PAQR8: variants seen among roughly 807,000 people sequenced by gnomAD.
The protein encoded by PAQR8 is membrane progestin receptor beta.
PAQR8 carries 17 observed loss-of-function variants against 25.2 expected under a neutral mutation model. The observed-to-expected ratio is 0.67, with a 90% CI of 0.46 to 1.01. The LOEUF (loss-of-function observed/expected upper bound fraction) is 1.01. Ranked by LOEUF, PAQR8 falls within the 50% of genes least tolerant of loss-of-function variation. The pLI is 0.00. For missense variants in PAQR8, 392 were observed against 448.4 expected (o/e 0.87, Z 1.14); for synonymous variants, 204 against 190.6 (o/e 1.07, Z -0.58).
rs909812638 is a variant in PAQR8, at chr6:52,379,619, C to CTTTTTTTTTTTTT, written c.-53+17383_-53+17395dup. Among the ~76,000 whole-genome samples the CTTTTTTTTTTTTT allele has an allele frequency of 2.2e-3, 173 of 77,214 alleles. 15 individuals carry two copies. Among genetic ancestry groups the CTTTTTTTTTTTTT allele is most frequent in the East Asian group, 3.5e-3 (8 of 2,264 alleles). The allele number at this position is 77,214 out of a possible 152,430, so 50.7% of individuals were successfully genotyped here. A position where few individuals can be genotyped will look rare whatever the true frequency, so the allele number is the denominator to read the frequency against. ...GGTGCGTACCGCCACACCCAGCTTTCTTTTTTTTTTTTTTTTTTTTTTTTT... is the reference window on the plus strand; with the variant it reads ...GGTGCGTACCGCCACACCCAGCTTTCTTTTTTTTTTTTTTTTTTTTTTTTTTTTTTTTTTTTTT... On this transcript the variant is annotated intron_variant, in intron 1 of 1. Coordinates refer to ENST00000442253, the MANE Select transcript of PAQR8 (RefSeq NM_133367.5).
At chr6:52,370,684 A>G (rs1348302249) in intron 1 of PAQR8, among the ~76,000 whole-genome samples, 1 of 152,230 alleles carries the variant, frequency 6.6e-6, no homozygotes, top group East Asian at 1.9e-4. Context: ...GGGGACATTT[A>G]TGATGGGAGA....
chr6:52,402,408 G>T (rs1174955311), intron 1 of PAQR8, among the ~76,000 whole-genome samples: 1 of 150,118 alleles, frequency 6.7e-6, no homozygotes, highest in Non-Finnish European at 1.5e-5. Context: ...ACCTGAGGTC[G>T]GGCGTTCCAG....
rs17650503 is a variant in PAQR8 at position 52,380,879 on chromosome 6, A to G, written c.-53+18630A>G. On this transcript the variant is annotated intron_variant, in intron 1 of 1. Transcript: ENST00000442253. ...ACAGGTATCAACTTGCTATCATTTA[A>G]GCCAATACTTTGTACTCACGAACAA... is the stretch of plus-strand genomic sequence containing the variant. 6.7e-3 allele frequency among the ~76,000 whole-genome samples: 1,017 copies of G among 152,380 alleles called. 14 individuals carry two copies. Among genetic ancestry groups the G allele is most frequent in the South Asian group, 0.042 (204 of 4,824 alleles).
intron 1 of PAQR8, among the ~76,000 whole-genome samples, chr6:52,393,543 C>G (rs1049262716): frequency 3.7e-4 from 56 of 151,972 alleles, no homozygotes; most frequent in African/African-American, 1.2e-3. Flanking sequence ...GTTGCCAAGG[C>G]TGGTCTTGAA....
In PAQR8 at chr6:52,407,468, A is replaced by G. The variant is rs1763924506; in HGVS notation, c.*3190A>G. ...TAGAAAGAAATAGGAATTTAAGTCCATAGAATGAAGGTAGTTATTCCTGCC... is the reference window on the plus strand; with the variant it reads ...TAGAAAGAAATAGGAATTTAAGTCCGTAGAATGAAGGTAGTTATTCCTGCC... On this transcript the variant is annotated 3_prime_UTR_variant, in exon 2 of 2. Coordinates refer to ENST00000442253, the MANE Select transcript of PAQR8 (RefSeq NM_133367.5). The G allele has an allele frequency of 6.0e-6, 1 of 167,082 alleles. No homozygotes were observed. Among genetic ancestry groups the G allele is most frequent in the Admixed American group, 6.5e-5 (1 of 15,286 alleles). 10.3% of individuals were successfully genotyped at this position (167,082 alleles called of 1,614,324 possible).
At chr6:52,364,455 C>G (rs998537883) in intron 1 of PAQR8, among the ~76,000 whole-genome samples, 14 of 152,122 alleles carry the variant, frequency 9.2e-5, no homozygotes, top group African/African-American at 3.4e-4. Context: ...AATTCTTTAT[C>G]CAAATGTTAA....
intron 1 of PAQR8, among the ~76,000 whole-genome samples, chr6:52,391,114 G>A (rs963950780): frequency 1.3e-5 from 2 of 152,188 alleles, no homozygotes; most frequent in Non-Finnish European, 2.9e-5. Context: ...ATGTTTGTAT[G>A]ATTACAAAAA....
chr6:52,390,435 T>C (rs1210360956), intron 1 of PAQR8, among the ~76,000 whole-genome samples: 1 of 152,166 alleles, frequency 6.6e-6, no homozygotes, highest in Non-Finnish European at 1.5e-5. Context: ...AGGAATATTA[T>C]AGGGCACCAC....
At chr6:52,398,415 C>G (rs1763793322) in intron 1 of PAQR8, among the ~76,000 whole-genome samples, 1 of 151,994 alleles carries the variant, frequency 6.6e-6, no homozygotes, top group African/African-American at 2.4e-5. Flanking sequence ...ACTATATTGG[C>G]CAGGCTGGTC....
At chr6:52,367,326 C>T (rs1763365446) in intron 1 of PAQR8, among the ~76,000 whole-genome samples, 1 of 152,168 alleles carries the variant, frequency 6.6e-6, no homozygotes. Context: ...TGCATTAGCA[C>T]CCTGACACCA....
chr6:52,398,243 G>A (rs1211801971), intron 1 of PAQR8, among the ~76,000 whole-genome samples: 9 of 100,916 alleles, frequency 8.9e-5, no homozygotes, highest in Admixed American at 2.6e-4. Context: ...TTTCACTCTT[G>A]TTGCCCACGC....
At chr6:52,397,578 C>T (rs528670103) in intron 1 of PAQR8, among the ~76,000 whole-genome samples, 4 of 152,282 alleles carry the variant, frequency 2.6e-5, no homozygotes, top group Non-Finnish European at 4.4e-5. Flanking sequence ...TCTTCCTCTG[C>T]GGCCTTTGTA....
intron 1 of PAQR8, among the ~76,000 whole-genome samples, chr6:52,375,858 T>C (rs1763479503): frequency 6.6e-6 from 1 of 152,192 alleles, no homozygotes; most frequent in Admixed American, 6.5e-5. Flanking sequence ...CATGGAAGAT[T>C]TGGAAGTTGC....
intron 1 of PAQR8, among the ~76,000 whole-genome samples, chr6:52,367,704 A>G (rs1763369700): frequency 6.6e-6 from 1 of 152,196 alleles, no homozygotes; most frequent in Non-Finnish European, 1.5e-5. Context: ...CAACCACGCA[A>G]ACAGGACAGT....
intron 1 of PAQR8, among the ~76,000 whole-genome samples, chr6:52,374,618 GT>G (rs1355412169): frequency 4.6e-5 from 7 of 152,100 alleles, no homozygotes; most frequent in Admixed American, 3.9e-4. Flanking sequence ...GCCCAGGTTG[GT>G]CTTGAACTCC....
chr6:52,375,912 CAGTA>C (rs1763480210), intron 1 of PAQR8, among the ~76,000 whole-genome samples: 1 of 152,162 alleles, frequency 6.6e-6, no homozygotes. Flanking sequence ...AGTGGTTTGT[CAGTA>C]AGACTAAATC....
chr6:52,374,747 C>T (rs539196268), intron 1 of PAQR8, among the ~76,000 whole-genome samples: 1 of 152,144 alleles, frequency 6.6e-6, no homozygotes, highest in South Asian at 2.1e-4. Flanking sequence ...CTTACCTGTC[C>T]TGTCCCATCA....
At chr6:52,396,444 G>A (rs1484007316) in intron 1 of PAQR8, among the ~76,000 whole-genome samples, 1 of 152,190 alleles carries the variant, frequency 6.6e-6, no homozygotes, top group Non-Finnish European at 1.5e-5. Flanking sequence ...GAATAGGAAG[G>A]AAAACAGAGA....
intron 1 of PAQR8, among the ~76,000 whole-genome samples, chr6:52,369,804 CT>C (rs1285584895): frequency 6.6e-6 from 1 of 152,154 alleles, no homozygotes; most frequent in Non-Finnish European, 1.5e-5. Context: ...CCCATCTTAG[CT>C]TTTTTATTCC....
Sources: allele counts gnomAD v4.1 joint callset (sites outside exome capture counted in the v4.1 genomes callset), GRCh38; gene constraint gnomAD v4.1.1; transcripts MANE v1.5; gene names NCBI Gene and HGNC (gene_info 2026-07-23, HGNC 2026-07-21).